Variants in TMEM132D observed in about 807,000 individuals in gnomAD.
The protein encoded by TMEM132D is transmembrane protein 132D, also known as mature OL transmembrane protein.
A neutral mutation model predicts 62.3 loss-of-function variants in TMEM132D; 21 were observed. The ratio of observed to expected loss-of-function variants is 0.34; its 90% CI spans 0.24 to 0.49. TMEM132D has a LOEUF of 0.49. Among genes scored for constraint, TMEM132D ranks in the 20% least tolerant of loss-of-function variants. TMEM132D has a pLI of 0.99. For missense variants in TMEM132D, 1,346 were observed against 1,402.8 expected (o/e 0.96, Z 0.65); for synonymous variants, 621 against 575.6 (o/e 1.08, Z -1.13).
rs552912507 is a variant in TMEM132D at position 129,614,049 on chromosome 12, A to G, written c.969-82844T>C. On this transcript the variant is annotated intron_variant, in intron 2 of 8. Coordinates refer to ENST00000422113, the MANE Select transcript of TMEM132D (RefSeq NM_133448.3). ...GGTGACTGTCTCCATCACCTAGGCA[A>G]CTATCTCCAGAACCCAAGGGACTGT... 9.7e-4 allele frequency among the ~76,000 whole-genome samples: 134 copies of G among 137,468 alleles called. 1 individual carries two copies. The highest frequency in any genetic ancestry group is 3.2e-3 in the African/African-American group (130 of 40,382). 90.2% of individuals were successfully genotyped at this position (137,468 alleles called of 152,430 possible). A position where few individuals can be genotyped will look rare whatever the true frequency, so the allele number is the denominator to read the frequency against.
At chr12:129,301,531 C>T (rs1277082273) in intron 4 of TMEM132D, among the ~76,000 whole-genome samples, 1 of 152,182 alleles carries the variant, frequency 6.6e-6, no homozygotes, top group Non-Finnish European at 1.5e-5. Flanking sequence ...AGACATTACT[C>T]CAATTTTCCA....
chr12:129,454,926 T>G (rs2135728836), intron 3 of TMEM132D, among the ~76,000 whole-genome samples: 1 of 152,282 alleles, frequency 6.6e-6, no homozygotes, highest in Non-Finnish European at 1.5e-5. Flanking sequence ...CAACCAAATG[T>G]AAGTGGAAGA....
intron 2 of TMEM132D, among the ~76,000 whole-genome samples, chr12:129,594,270 G>A (rs1040953076): frequency 1.1e-4 from 16 of 152,212 alleles, no homozygotes; most frequent in East Asian, 1.9e-4. Context: ...ATGATGATTC[G>A]CTTCCACGTG....
At chr12:129,858,661 A>G (rs111695569) in intron 1 of TMEM132D, among the ~76,000 whole-genome samples, 2 of 19,426 alleles carry the variant, frequency 1.0e-4, no homozygotes, top group African/African-American at 1.7e-4. Flanking sequence ...GAGTCCGGGG[A>G]AACGGGATGG....
intron 2 of TMEM132D, among the ~76,000 whole-genome samples, chr12:129,670,677 C>T (rs77482128): frequency 1.3e-5 from 2 of 152,198 alleles, no homozygotes; most frequent in Admixed American, 6.5e-5. Context: ...ACAGCAGGCT[C>T]TGTGTGAATT....
At chr12:129,635,362 A>G (rs1879449239) in intron 2 of TMEM132D, among the ~76,000 whole-genome samples, 1 of 152,226 alleles carries the variant, frequency 6.6e-6, no homozygotes, top group Non-Finnish European at 1.5e-5. Flanking sequence ...CAAACAACAA[A>G]CAGACAAAAG....
intron 1 of TMEM132D, among the ~76,000 whole-genome samples, chr12:129,742,477 A>T (rs765777202): frequency 3.3e-5 from 5 of 152,200 alleles, no homozygotes; most frequent in Non-Finnish European, 7.3e-5. Flanking sequence ...CACCTCCATG[A>T]TCTAAACGTC....
Position 129,867,672 on chromosome 12 carries a change from C to G in TMEM132D, c.79+35589G>C, listed in dbSNP as rs565824768. Among the ~76,000 whole-genome samples the G allele has an allele frequency of 1.3e-5, 2 of 152,216 alleles. No individual in the cohort carries two copies. The highest frequency in any genetic ancestry group is 2.9e-5 in the Non-Finnish European group (2 of 68,012). ...AAGGGATAATGTGAACTAGCTTGAC[C>G]GTGGTGACAATTTCACAATGTATAC... On this transcript the variant is annotated intron_variant, in intron 1 of 8. Coordinates refer to ENST00000422113, the MANE Select transcript of TMEM132D (RefSeq NM_133448.3). This position sits in a 1 kb window ranked among gnomAD's most constrained non-coding sequence, Gnocchi z 4.5.
chr12:129,781,549 G>A (rs1871120552), intron 1 of TMEM132D, among the ~76,000 whole-genome samples: 1 of 152,072 alleles, frequency 6.6e-6, no homozygotes, highest in Non-Finnish European at 1.5e-5. Context: ...CCCTCATGTA[G>A]AGAGTCCTGG....
intron 2 of TMEM132D, among the ~76,000 whole-genome samples, chr12:129,653,789 T>G (rs1280694406): frequency 1.3e-5 from 2 of 152,250 alleles, no homozygotes; most frequent in Non-Finnish European, 2.9e-5. Context: ...TCCTCTTCTT[T>G]TAGATCTTAC....
intron 2 of TMEM132D, among the ~76,000 whole-genome samples, chr12:129,584,366 T>C (rs1877959656): frequency 6.6e-6 from 1 of 152,228 alleles, no homozygotes; most frequent in Admixed American, 6.5e-5. Flanking sequence ...TACTGCTTCT[T>C]GCTTAAAAGA....
chr12:129,417,343 A>C (rs930776073), intron 3 of TMEM132D, among the ~76,000 whole-genome samples: 2 of 152,240 alleles, frequency 1.3e-5, no homozygotes, highest in African/African-American at 4.8e-5. Flanking sequence ...TACTGGTACC[A>C]AAACAGATAC....
chr12:129,302,575 T>G (rs1403046369), intron 4 of TMEM132D, among the ~76,000 whole-genome samples: 1 of 152,220 alleles, frequency 6.6e-6, no homozygotes. Context: ...CAGCTGGGCT[T>G]AGAAGGCAGT....
intron 5 of TMEM132D, among the ~76,000 whole-genome samples, chr12:129,189,348 A>T (rs1223609427): frequency 6.6e-6 from 1 of 152,166 alleles, no homozygotes; most frequent in Non-Finnish European, 1.5e-5. Flanking sequence ...TGACAGGCTG[A>T]TGGGAAAGCT....
intron 5 of TMEM132D, among the ~76,000 whole-genome samples, chr12:129,123,043 G>T (rs896310374): frequency 1.3e-5 from 2 of 152,122 alleles, no homozygotes; most frequent in Non-Finnish European, 2.9e-5. Flanking sequence ...TAAAATATAT[G>T]TAACATTAAA....
chr12:129,649,782 ATGTATGTGTGTGTGCGTATGTGTGTG>A (rs1354653090), intron 2 of TMEM132D, among the ~76,000 whole-genome samples: 3 of 151,776 alleles, frequency 2.0e-5, no homozygotes, highest in Non-Finnish European at 4.4e-5. Flanking sequence ...ATGTGTGTAT[ATGTATGTGTGTGTGCGTATGTGTGTG>A]TGTATGTGTG....
intron 2 of TMEM132D, among the ~76,000 whole-genome samples, chr12:129,546,030 C>T (rs2129029): frequency 0.2 from 30,433 of 151,974 alleles, 3,325 homozygotes; most frequent in Non-Finnish European, 0.24. Context: ...GCGTGGGGTT[C>T]GATCATCACA....
chr12:129,367,076 C>T (rs535917658), intron 3 of TMEM132D, among the ~76,000 whole-genome samples: 5 of 152,270 alleles, frequency 3.3e-5, no homozygotes, highest in East Asian at 3.9e-4. Context: ...TGGAGGACAC[C>T]GGCTGAGCAC....
intron 4 of TMEM132D, among the ~76,000 whole-genome samples, chr12:129,293,982 T>C (rs1347054110): frequency 6.6e-6 from 1 of 152,194 alleles, no homozygotes; most frequent in African/African-American, 2.4e-5. Flanking sequence ...GGCCCCACAG[T>C]AACTGAGATT....
Sources: allele counts gnomAD v4.1 joint callset (sites outside exome capture counted in the v4.1 genomes callset), GRCh38; gene constraint gnomAD v4.1.1; non-coding constraint Gnocchi (gnomAD v3.1); transcripts MANE v1.5; gene names NCBI Gene and HGNC (gene_info 2026-07-23, HGNC 2026-07-21).